MYO18B: variants seen among roughly 807,000 people sequenced by gnomAD.
MYO18B encodes myosin XVIIIB, also known as unconventional myosin-XVIIIb.
A neutral mutation model predicts 273.0 loss-of-function variants in MYO18B; 204 were observed. That is an observed-to-expected ratio of 0.75 (90% CI 0.67 to 0.84). The LOEUF (loss-of-function observed/expected upper bound fraction) is 0.84, where lower values mean the gene tolerates loss of function less well. Among genes scored for constraint, MYO18B ranks in the 40% least tolerant of loss-of-function variants. The probability of loss-of-function intolerance (pLI) is 0.00; values close to 1 mark genes in which losing one functional copy is unlikely to be tolerated. For synonymous variants in MYO18B, 1,330 were observed against 1,305.7 expected (o/e 1.02, Z -0.40); for missense variants, 3,212 against 3,287.6 (o/e 0.98, Z 0.56).
At chr22:26,013,383 A>G (rs1935064673) in intron 42 of MYO18B, among the ~76,000 whole-genome samples, 2 of 152,218 alleles carry the variant, frequency 1.3e-5, no homozygotes, top group African/African-American at 4.8e-5. Flanking sequence ...CCACTGAGAA[A>G]CCACAGTCAA....
intron 21 of MYO18B, among the ~76,000 whole-genome samples, chr22:25,864,429 A>G (rs557608830): frequency 1.3e-3 from 202 of 152,282 alleles, no homozygotes; most frequent in Middle Eastern, 3.4e-3. Context: ...TGCTACTTAT[A>G]TGACCTTATT....
intron 21 of MYO18B, among the ~76,000 whole-genome samples, chr22:25,867,874 G>A (rs146521369): frequency 0.012 from 1,856 of 152,080 alleles, 32 homozygotes; most frequent in African/African-American, 0.042. Flanking sequence ...CTCGTGATCC[G>A]CCCACCTCAG....
At chr22:25,994,112 C>G (rs1025025866) in intron 40 of MYO18B, among the ~76,000 whole-genome samples, 10 of 152,180 alleles carry the variant, frequency 6.6e-5, no homozygotes, top group African/African-American at 2.2e-4. Context: ...TAACCTCAGA[C>G]TCTCCAGTAA....
At position 25,847,484 on chromosome 22, in the gene MYO18B, G is replaced by A. The variant is rs2090287902; in HGVS notation, c.3607G>A (p.Val1203Ile). 1.9e-6 allele frequency: 3 copies of A among 1,582,606 alleles called. No homozygotes were observed. Among genetic ancestry groups the A allele is most frequent in the Non-Finnish European group, 2.6e-6 (3 of 1,164,114 alleles). The part of the protein sequence containing the change: ...RSRLHFIHCL[V>I]PNPVVESRSG... Reference sequence around the variant, plus strand: ...CCGGCTGCACTTTATCCACTGCCTGGTACCAAACCCTGTGGTGGAAAGCAG... The same window carrying A: ...CCGGCTGCACTTTATCCACTGCCTGATACCAAACCCTGTGGTGGAAAGCAG... The change falls in exon 20 of 44, where the codon GTA (valine) becomes ATA (isoleucine). Residue 1203 changes from valine (V) to isoleucine (I), a missense_variant. Val to Ile is a conservative substitution (Grantham distance 29). Coordinates refer to ENST00000335473, the MANE Select transcript of MYO18B (RefSeq NM_032608.7).
chr22:25,864,814 G>T (rs909503974), intron 21 of MYO18B, among the ~76,000 whole-genome samples: 3 of 152,168 alleles, frequency 2.0e-5, no homozygotes, highest in African/African-American at 7.2e-5. Context: ...GGAGAAAAAT[G>T]GCCACATTTG....
intron 26 of MYO18B, 99 bp downstream of exon 26, chr22:25,890,974 A>AAG: frequency 6.8e-7 from 1 of 1,478,392 alleles, no homozygotes; most frequent in Non-Finnish European, 9.1e-7. Context: ...AAGCTTAAGC[A>AAG]AGATGCACAG....
In MYO18B at chr22:25,769,330, G is replaced by T; in HGVS notation, c.1414G>T (p.Glu472Ter). Residue 472 changes from glutamate (E) to a stop codon, truncating the protein, a stop_gained, in exon 4 of 44, where the codon GAG becomes TAG. Coordinates refer to ENST00000335473, the MANE Select transcript of MYO18B (RefSeq NM_032608.7). LOFTEE classifies it high-confidence loss of function. Reference protein sequence around the residue: ...ELEGPSQPALEKDAERPRIRK... With the variant: ...ELEGPSQPAL ...GGAAGGACCCAGCCAGCCTGCTCTG[G>T]AGAAGGATGCAGAAAGGCCTCGGAT... 6.3e-7 allele frequency: 1 copy of T among 1,578,688 alleles called. No homozygotes were observed. The highest frequency in any genetic ancestry group is 8.6e-7 in the Non-Finnish European group (1 of 1,162,810).
chr22:25,792,497 CTTTTTTTTTTTT>C (rs58679561), intron 11 of MYO18B, among the ~76,000 whole-genome samples: 1 of 107,956 alleles, frequency 9.3e-6, no homozygotes, highest in Non-Finnish European at 1.7e-5. Flanking sequence ...TTTTTCTTTT[CTTTTTTTTTTTT>C]TTTTGAGACA....
rs1934133691 is a variant in MYO18B at position 26,003,260 on chromosome 22, A to G, written c.6288-5A>G. On this transcript the variant is annotated splice_region_variant and splice_polypyrimidine_tract_variant and intron_variant, in intron 40 of 43. Coordinates refer to ENST00000335473, the MANE Select transcript of MYO18B (RefSeq NM_032608.7). ...TAACACACTCTTTCTTGTGCCTCTTACTAGTGTCCAGACGGCAGTGGATTG... is the reference window on the plus strand; with the variant it reads ...TAACACACTCTTTCTTGTGCCTCTTGCTAGTGTCCAGACGGCAGTGGATTG... 1.2e-6 allele frequency: 2 copies of G among 1,607,872 alleles called. No homozygotes were observed. The highest frequency in any genetic ancestry group is 1.7e-6 in the Non-Finnish European group (2 of 1,177,206).
intron 39 of MYO18B, among the ~76,000 whole-genome samples, chr22:25,957,912 C>CT (rs1330432024): frequency 0.025 from 3,250 of 128,866 alleles, 138 homozygotes; most frequent in Admixed American, 0.099. Context: ...AACGCTTTTG[C>CT]TTTTTTTTTT....
At chr22:25,855,273 C>T (rs1262787838) in intron 21 of MYO18B, among the ~76,000 whole-genome samples, 2 of 142,666 alleles carry the variant, frequency 1.4e-5, no homozygotes, top group African/African-American at 2.6e-5. Context: ...CTGCAAAGGA[C>T]GTTATCTCAT....
chr22:25,946,725 G>A (rs928108322), intron 35 of MYO18B, among the ~76,000 whole-genome samples: 7 of 152,122 alleles, frequency 4.6e-5, no homozygotes, highest in Admixed American at 2.6e-4. Flanking sequence ...CATCTGCTGT[G>A]GTCCTACTGT....
chr22:25,759,515 G>T (rs903754420), intron 1 of MYO18B, among the ~76,000 whole-genome samples: 1 of 151,836 alleles, frequency 6.6e-6, no homozygotes, highest in Non-Finnish European at 1.5e-5. Flanking sequence ...ACTGGGGCCT[G>T]TCGAGGGGTG....
At chr22:25,857,238 A>G (rs2090598502) in intron 21 of MYO18B, among the ~76,000 whole-genome samples, 1 of 151,972 alleles carries the variant, frequency 6.6e-6, no homozygotes, top group Non-Finnish European at 1.5e-5. Context: ...GGTCCCTTCC[A>G]TTTTTCTGCT....
intron 11 of MYO18B, among the ~76,000 whole-genome samples, chr22:25,796,979 G>A (rs919980839): frequency 6.6e-6 from 1 of 152,196 alleles, no homozygotes; most frequent in South Asian, 2.1e-4. Context: ...TGTAATCCCA[G>A]CACTTTGGGA....
rs1235431888 is a variant in MYO18B, at chr22:26,027,721, G to A, written c.*12+31G>A. On this transcript the variant is annotated intron_variant, in intron 43 of 43. Transcript: ENST00000335473. This position sits in a 1 kb window ranked among gnomAD's most constrained non-coding sequence, Gnocchi z 4.1. ...AGCAACAGGCTGGGGCTATTCTTGG[G>A]GGAATGAGAGTTCACCTTGCAGCCT... 1 of 1,542,402 alleles carries A rather than the reference G, an allele frequency of 6.5e-7. No individual in the cohort carries two copies. Among genetic ancestry groups the A allele is most frequent in the East Asian group, 2.3e-5 (1 of 42,818 alleles).
chr22:25,868,495 C>A (rs1377854725), intron 22 of MYO18B, 110 bp downstream of exon 22: 10 of 909,082 alleles, frequency 1.1e-5, no homozygotes, highest in South Asian at 1.7e-5. Flanking sequence ...TCTCCTTTTT[C>A]CCAAACTGAA....
chr22:25,805,088 G>C (rs745945844), intron 12 of MYO18B, among the ~76,000 whole-genome samples: 1 of 152,086 alleles, frequency 6.6e-6, no homozygotes. Context: ...GGTTCTGAGC[G>C]TGCCCTCCCT....
rs900701925 is a variant in MYO18B at position 25,931,910 on chromosome 22, G to GT, written c.5517+10508dup. Reference sequence around the variant, plus strand: ...AGCTAATTTTTGTTGTTGTTTGTTTGTTTTTTTGTAGAGATGAGGTTTCAC... The same window carrying GT: ...AGCTAATTTTTGTTGTTGTTTGTTTGTTTTTTTTGTAGAGATGAGGTTTCAC... On this transcript the variant is annotated intron_variant, in intron 34 of 43. Coordinates refer to ENST00000335473, the MANE Select transcript of MYO18B (RefSeq NM_032608.7). 1.9e-4 allele frequency among the ~76,000 whole-genome samples: 28 copies of GT among 149,080 alleles called. 1 individual carries two copies. The highest frequency in any genetic ancestry group is 3.2e-4 in the African/African-American group (13 of 40,288).
Sources: gnomAD v4.1 joint callset for allele counts (sites outside exome capture counted in the v4.1 genomes callset) on GRCh38, gnomAD v4.1.1 for gene constraint, Gnocchi (gnomAD v3.1) non-coding constraint, MANE v1.5 for transcripts, NCBI Gene and HGNC (gene_info 2026-07-23, HGNC 2026-07-21) for gene names.